The following AIG1 variants were observed in gnomAD, a reference collection of about 807,000 sequenced individuals.
AIG1 encodes the protein androgen induced 1.
A neutral mutation model predicts 31.4 loss-of-function variants in AIG1; 23 were observed. The ratio of observed to expected loss-of-function variants is 0.73; its 90% CI spans 0.53 to 1.04. AIG1 has a LOEUF of 1.04. AIG1 is among the 50% of genes least tolerant of loss of function. The pLI is 0.00. For synonymous variants in AIG1, 100 were observed against 110.5 expected, an observed-to-expected ratio of 0.90 and a Z score of 0.60; for missense variants, 274 against 295.0, an observed-to-expected ratio of 0.93 and a Z score of 0.52.
intron 3 of AIG1, among the ~76,000 whole-genome samples, chr6:143,247,280 C>T (rs879568721): frequency 8.5e-5 from 13 of 152,214 alleles, no homozygotes; most frequent in African/African-American, 1.2e-4. Context: ...TACAAGTGCA[C>T]GCCACCATGC....
chr6:143,134,281 G>C (rs1375389019), intron 1 of AIG1, among the ~76,000 whole-genome samples: 1 of 151,100 alleles, frequency 6.6e-6, no homozygotes, highest in Non-Finnish European at 1.5e-5. Context: ...TTAATGCAAT[G>C]TTATTAATTC....
intron 3 of AIG1, among the ~76,000 whole-genome samples, chr6:143,219,706 T>TGTTG (rs1394564954): frequency 6.6e-6 from 1 of 152,228 alleles, no homozygotes; most frequent in African/African-American, 2.4e-5. Flanking sequence ...TTATCATGAT[T>TGTTG]GTTGATACAT....
At position 143,250,226 on chromosome 6, in the gene AIG1, GGA is replaced by G. The variant is rs1160947555; in HGVS notation, c.400-33883_400-33882del. On this transcript the variant is annotated intron_variant, in intron 3 of 5. Coordinates refer to ENST00000357847, the MANE Select transcript of AIG1 (RefSeq NM_016108.4). ...TTCTTTCCTTCTCAAGGCTGGCCCT[GGA>G]ATAGGAAGCAGCTCTTTATGTTATT... 1.2e-4 allele frequency among the ~76,000 whole-genome samples: 19 copies of G among 152,282 alleles called. No individual in the cohort carries two copies. The East Asian group carries it at 3.5e-3, about 28-fold the overall frequency.
At chr6:143,191,268 T>G (rs1039765138) in intron 3 of AIG1, among the ~76,000 whole-genome samples, 6 of 152,140 alleles carry the variant, frequency 3.9e-5, no homozygotes, top group Non-Finnish European at 7.4e-5. Context: ...CATCTCAAGA[T>G]TCTCAGAAAA....
At chr6:143,218,409 G>T (rs1046023806) in intron 3 of AIG1, among the ~76,000 whole-genome samples, 1 of 152,240 alleles carries the variant, frequency 6.6e-6, no homozygotes, top group East Asian at 1.9e-4. Flanking sequence ...TGCCAGGATC[G>T]CTTTCCATGG....
chr6:143,120,457 C>G (rs1782146660), intron 1 of AIG1, among the ~76,000 whole-genome samples: 3 of 152,138 alleles, frequency 2.0e-5, no homozygotes, highest in Admixed American at 6.5e-5. Context: ...GCCTCACATT[C>G]ATGATGGAAG....
rs1797547679 is a variant in AIG1, at chr6:143,284,319, A to G, written c.515+94A>G. 1 of 893,750 alleles carries G rather than the reference A, an allele frequency of 1.1e-6. No homozygotes were observed. The highest frequency in any genetic ancestry group is 1.8e-6 in the Non-Finnish European group (1 of 565,390). The allele number at this position is 893,750 out of a possible 1,614,324, so 55.4% of individuals were successfully genotyped here. On this transcript the variant is annotated intron_variant, in intron 4 of 5. Coordinates refer to ENST00000357847, the MANE Select transcript of AIG1 (RefSeq NM_016108.4). The surrounding 1 kb of genome is among the most constrained non-coding windows in gnomAD (Gnocchi z 4.4). ...TCATTATGGATATAATCACTAACAG[A>G]TTCACGCTGTGTGCCGCATTTGGTC... is the stretch of plus-strand genomic sequence containing the variant.
At chr6:143,294,752 C>T (rs1408346815) in intron 4 of AIG1, among the ~76,000 whole-genome samples, 1 of 152,130 alleles carries the variant, frequency 6.6e-6, no homozygotes, top group African/African-American at 2.4e-5. Flanking sequence ...AAACAAACCC[C>T]CCCTCTTCCT....
chr6:143,150,825 T>A (rs921615705), intron 2 of AIG1, among the ~76,000 whole-genome samples: 3 of 152,202 alleles, frequency 2.0e-5, no homozygotes. Context: ...CTCCCCAATC[T>A]TGGCACCTTC....
intron 3 of AIG1, among the ~76,000 whole-genome samples, chr6:143,267,071 T>C (rs1314647092): frequency 2.0e-5 from 3 of 152,202 alleles, no homozygotes; most frequent in African/African-American, 7.2e-5. Context: ...CCTTTCCTAA[T>C]GCTCATCTCT....
intron 3 of AIG1, among the ~76,000 whole-genome samples, chr6:143,257,897 G>A (rs930151775): frequency 2.0e-5 from 3 of 152,122 alleles, no homozygotes; most frequent in Non-Finnish European, 2.9e-5. Context: ...GCACTTGAGT[G>A]AGAGGCTGAG....
intron 3 of AIG1, among the ~76,000 whole-genome samples, chr6:143,248,244 G>A (rs925926369): frequency 2.0e-5 from 3 of 152,172 alleles, no homozygotes; most frequent in African/African-American, 7.2e-5. Flanking sequence ...AACAAGGGAG[G>A]ATATTGATAG....
chr6:143,224,285 A>C (rs1792768672), intron 3 of AIG1, among the ~76,000 whole-genome samples: 1 of 152,064 alleles, frequency 6.6e-6, no homozygotes, highest in Non-Finnish European at 1.5e-5. Context: ...TCCTCTTCCC[A>C]ACATCCCTAT....
At chr6:143,067,888 G>GA (rs1324787519) in intron 1 of AIG1, among the ~76,000 whole-genome samples, 1 of 152,048 alleles carries the variant, frequency 6.6e-6, no homozygotes, top group Non-Finnish European at 1.5e-5. Context: ...ACTCAGACTT[G>GA]ACCCTAAAAT....
intron 3 of AIG1, among the ~76,000 whole-genome samples, chr6:143,177,512 G>T (rs551793359): frequency 1.3e-5 from 2 of 152,182 alleles, no homozygotes; most frequent in Non-Finnish European, 2.9e-5. Flanking sequence ...AGGTGCTTTG[G>T]CTTTGGTTCA....
chr6:143,255,124 A>C (rs1317783286), intron 3 of AIG1, among the ~76,000 whole-genome samples: 5 of 152,280 alleles, frequency 3.3e-5, no homozygotes, highest in African/African-American at 1.2e-4. Flanking sequence ...GACTGCATAG[A>C]AGAGCCCCTT....
At chr6:143,229,402 C>T (rs1349476556) in intron 3 of AIG1, among the ~76,000 whole-genome samples, 1 of 152,208 alleles carries the variant, frequency 6.6e-6, no homozygotes, top group Non-Finnish European at 1.5e-5. Flanking sequence ...ACCTGTTGTC[C>T]ATTCCCTTCT....
chr6:143,124,857 C>T (rs1490586776), intron 1 of AIG1, among the ~76,000 whole-genome samples: 1 of 152,056 alleles, frequency 6.6e-6, no homozygotes, highest in Non-Finnish European at 1.5e-5. Context: ...TAGAAACCAC[C>T]CCCATGATCC....
chr6:143,279,905 C>T lies in AIG1; in HGVS notation c.400-4205C>T, dbSNP rs1797227472. 6.6e-6 allele frequency among the ~76,000 whole-genome samples: 1 copy of T among 152,194 alleles called. No homozygotes were observed. Among genetic ancestry groups the T allele is most frequent in the African/African-American group, 2.4e-5 (1 of 41,444 alleles). ...TATATGGAAGACCAAAGGTTTACTC[C>T]TTGGGCTGTCAACCTTCATTTTACT... On this transcript the variant is annotated intron_variant, in intron 3 of 5. Coordinates refer to ENST00000357847, the MANE Select transcript of AIG1 (RefSeq NM_016108.4). This position sits in a 1 kb window ranked among gnomAD's most constrained non-coding sequence, Gnocchi z 5.4.
Sources: allele counts gnomAD v4.1 joint callset (sites outside exome capture counted in the v4.1 genomes callset), GRCh38; gene constraint gnomAD v4.1.1; non-coding constraint Gnocchi (gnomAD v3.1); transcripts MANE v1.5; gene names NCBI Gene and HGNC (gene_info 2026-07-23, HGNC 2026-07-21).